PTPRD: variants seen among roughly 807,000 people sequenced by gnomAD.
PTPRD encodes the protein protein tyrosine phosphatase receptor type D, also known as receptor-type tyrosine-protein phosphatase delta.
Under a neutral mutation model 214.5 loss-of-function variants are expected in PTPRD, and 34 were observed. The ratio of observed to expected loss-of-function variants is 0.16; its 90% CI spans 0.12 to 0.21. PTPRD has a LOEUF of 0.21. Ranked by LOEUF, PTPRD falls within the 10% of genes least tolerant of loss-of-function variation. The probability of loss-of-function intolerance (pLI) is 1.00; values close to 1 mark genes in which losing one functional copy is unlikely to be tolerated. For missense variants in PTPRD, 2,545 were observed against 2,398.7 expected (o/e 1.06, Z -1.27); for synonymous variants, 1,128 against 845.7 (o/e 1.33, Z -5.79).
intron 4 of PTPRD, among the ~76,000 whole-genome samples, chr9:10,030,838 G>T (rs1472703233): frequency 3.3e-5 from 5 of 152,138 alleles, no homozygotes; most frequent in African/African-American, 9.7e-5. Context: ...GGACTCTATG[G>T]TTTGTCATTT....
chr9:9,947,626 A>C (rs1185307842), intron 4 of PTPRD, among the ~76,000 whole-genome samples: 1 of 61,256 alleles, frequency 1.6e-5, no homozygotes, highest in South Asian at 4.6e-4. Flanking sequence ...ATATATTTTA[A>C]ATATATATTT....
chr9:10,398,310 G>A (rs542325866), intron 2 of PTPRD, among the ~76,000 whole-genome samples: 85 of 151,856 alleles, frequency 5.6e-4, no homozygotes, highest in African/African-American at 2.0e-3. Context: ...GAGTCCCGAA[G>A]TTCGAGGCTG....
intron 8 of PTPRD, among the ~76,000 whole-genome samples, chr9:9,497,602 T>C (rs1240602602): frequency 6.6e-6 from 1 of 152,126 alleles, no homozygotes; most frequent in Non-Finnish European, 1.5e-5. Context: ...GGTAAGAACA[T>C]TTGTCCATGT....
chr9:9,242,954 T>C (rs1270355611), intron 9 of PTPRD, among the ~76,000 whole-genome samples: 8 of 152,122 alleles, frequency 5.3e-5, no homozygotes, highest in Non-Finnish European at 2.9e-5. Context: ...TTCTGTTTTT[T>C]TCCCCATCTT....
chr9:10,546,257 G>T (rs2181158), intron 2 of PTPRD, among the ~76,000 whole-genome samples: 57,906 of 151,618 alleles, frequency 0.38, 12,470 homozygotes, highest in Non-Finnish European at 0.5. Context: ...TTAGTTTGAG[G>T]TTAGTGGCTC....
At chr9:10,019,544 T>C (rs529906087) in intron 4 of PTPRD, among the ~76,000 whole-genome samples, 1 of 152,272 alleles carries the variant, frequency 6.6e-6, no homozygotes, top group South Asian at 2.1e-4. Flanking sequence ...CCAACAATGA[T>C]AGACTGGATT....
At chr9:8,765,977 A>T (rs968006937) in intron 11 of PTPRD, among the ~76,000 whole-genome samples, 2 of 152,132 alleles carry the variant, frequency 1.3e-5, no homozygotes, top group African/African-American at 2.4e-5. Context: ...AAAGCTATAA[A>T]CAGGTAGTTC....
At chr9:9,765,580 A>G (rs560586461) in intron 6 of PTPRD, among the ~76,000 whole-genome samples, 10 of 152,320 alleles carry the variant, frequency 6.6e-5, no homozygotes, top group African/African-American at 2.4e-4. Context: ...TTGTGAATCT[A>G]TTCAATATTT....
At chr9:8,992,700 T>C (rs1178108101) in intron 11 of PTPRD, among the ~76,000 whole-genome samples, 1 of 152,168 alleles carries the variant, frequency 6.6e-6, no homozygotes, top group Non-Finnish European at 1.5e-5. Flanking sequence ...CCTTTCAAAA[T>C]ATTGCACTGG....
At chr9:9,421,783 G>A (rs942881766) in intron 8 of PTPRD, among the ~76,000 whole-genome samples, 1 of 152,046 alleles carries the variant, frequency 6.6e-6, no homozygotes, top group Non-Finnish European at 1.5e-5. Flanking sequence ...ATTTGACACT[G>A]GCGTCTCAGC....
chr9:9,141,388 T>C (rs2099860205), intron 10 of PTPRD, among the ~76,000 whole-genome samples: 2 of 151,956 alleles, frequency 1.3e-5, no homozygotes, highest in Admixed American at 6.6e-5. Context: ...TGCAGTGAAA[T>C]TGTTGGGTAG....
chr9:9,512,494 G>T (rs2096733301), intron 8 of PTPRD, among the ~76,000 whole-genome samples: 1 of 151,640 alleles, frequency 6.6e-6, no homozygotes, highest in Non-Finnish European at 1.5e-5. Flanking sequence ...ATTTGTTTTA[G>T]CTTACAGAGA....
At chr9:10,104,893 T>A (rs1230281274) in intron 3 of PTPRD, among the ~76,000 whole-genome samples, 1 of 151,870 alleles carries the variant, frequency 6.6e-6, no homozygotes, top group African/African-American at 2.4e-5. Flanking sequence ...TCCTGCTACA[T>A]ATTCCAGCTA....
chr9:9,716,253 T>C (rs1270599999), intron 7 of PTPRD, among the ~76,000 whole-genome samples: 1 of 152,156 alleles, frequency 6.6e-6, no homozygotes, highest in African/African-American at 2.4e-5. Flanking sequence ...CAGTCTATCA[T>C]TGTTGGACAT....
At chr9:10,009,684 C>G (rs2096557415) in intron 4 of PTPRD, among the ~76,000 whole-genome samples, 1 of 121,390 alleles carries the variant, frequency 8.2e-6, no homozygotes, top group Admixed American at 8.4e-5. Context: ...AGAAAAAGAT[C>G]TGGAAAGGGA....
chr9:8,913,525 G>T (rs2098762820), intron 11 of PTPRD, among the ~76,000 whole-genome samples: 1 of 151,970 alleles, frequency 6.6e-6, no homozygotes, highest in African/African-American at 2.4e-5. Context: ...CATACATCTG[G>T]CATAGCTCAT....
At chr9:8,713,322 G>A (rs2098384945) in intron 12 of PTPRD, 1 of 816,564 alleles carries the variant, frequency 1.2e-6, no homozygotes, top group East Asian at 2.6e-5. Context: ...TGAAGGCCTC[G>A]GGCACACTAA....
At chr9:9,134,810 T>TACACACTCTATATGGA (rs1433183759) in intron 10 of PTPRD, among the ~76,000 whole-genome samples, 3 of 152,086 alleles carry the variant, frequency 2.0e-5, no homozygotes, top group African/African-American at 7.2e-5. Context: ...GGAGTGCGTG[T>TACACACTCTATATGGA]GTGTGTGTGT....
At chr9:8,575,599 A>G (rs1211308901) in intron 14 of PTPRD, among the ~76,000 whole-genome samples, 1 of 152,152 alleles carries the variant, frequency 6.6e-6, no homozygotes, top group Non-Finnish European at 1.5e-5. Flanking sequence ...GCTGCAGAAG[A>G]GATATATTCG....
Sources: gnomAD v4.1 joint callset for allele counts (sites outside exome capture counted in the v4.1 genomes callset) on GRCh38, gnomAD v4.1.1 for gene constraint, MANE v1.5 for transcripts, NCBI Gene and HGNC (gene_info 2026-07-23, HGNC 2026-07-21) for gene names.